The following PNPT1 variants were observed in gnomAD, a reference collection of about 807,000 sequenced individuals.
The protein encoded by PNPT1 is polyribonucleotide nucleotidyltransferase 1, mitochondrial.
In PNPT1, 53 loss-of-function variants were observed where a neutral mutation model predicts 119.5. The observed-to-expected ratio is 0.44, with a 90% CI of 0.36 to 0.56. The LOEUF (loss-of-function observed/expected upper bound fraction) is 0.56. Among genes scored for constraint, PNPT1 ranks in the 20% least tolerant of loss-of-function variants. PNPT1 has a pLI of 0.00. For synonymous variants in PNPT1, 357 were observed against 322.1 expected, an observed-to-expected ratio of 1.11 and a Z score of -1.16; for missense variants, 948 against 938.5, an observed-to-expected ratio of 1.01 and a Z score of -0.13.
intron 10 of PNPT1, 89 bp from the exon 11 acceptor site, chr2:55,671,465 G>A: frequency 1.4e-5 from 10 of 700,462 alleles, no homozygotes; most frequent in Non-Finnish European, 2.3e-5. Flanking sequence ...AACACATTGT[G>A]AATTACTCTG....
At chr2:55,676,074 A>C (rs368785280) in intron 8 of PNPT1, among the ~76,000 whole-genome samples, 3 of 152,058 alleles carry the variant, frequency 2.0e-5, no homozygotes, top group African/African-American at 7.2e-5. Flanking sequence ...CAGCCTGGCC[A>C]ACATGTTGAA....
At chr2:55,652,562 C>T (rs1157522244) in intron 18 of PNPT1, among the ~76,000 whole-genome samples, 2 of 152,144 alleles carry the variant, frequency 1.3e-5, no homozygotes, top group Middle Eastern at 3.2e-3. Context: ...AGCATCCTCA[C>T]GTCTTCAACT....
chr2:55,671,302 A>G lies in PNPT1; in HGVS notation c.976+17T>C. ...TGCCCTCAGCAAAAAAATAAAATAA[A>G]ATAAAATAAAATTTACCTTTTAGTT... On this transcript the variant is annotated intron_variant, in intron 11 of 27. Transcript: ENST00000447944. The G allele has an allele frequency of 7.1e-7, 1 of 1,413,384 alleles. No individual in the cohort carries two copies. Among genetic ancestry groups the G allele is most frequent in the Non-Finnish European group, 9.6e-7 (1 of 1,046,266 alleles). 87.6% of individuals were successfully genotyped at this position (1,413,384 alleles called of 1,614,324 possible).
chr2:55,660,311 C>A lies in PNPT1; in HGVS notation c.1248-118G>T, dbSNP rs1288711191. On this transcript the variant is annotated intron_variant, in intron 14 of 27. Transcript: ENST00000447944. ...AAAGAACTAGGTGTTAATGAAAAAT[C>A]AGACTGAAACTGAAAACCAAAGAAT... 1.7e-5 allele frequency: 18 copies of A among 1,048,196 alleles called. 1 individual carries two copies. The Admixed American group carries it at 2.2e-4, about 13-fold the overall frequency. 64.9% of individuals were successfully genotyped at this position (1,048,196 alleles called of 1,614,324 possible). A position where few individuals can be genotyped will look rare whatever the true frequency, so the allele number is the denominator to read the frequency against.
chr2:55,660,996 G>A (rs1271774775), intron 14 of PNPT1, among the ~76,000 whole-genome samples: 1 of 151,882 alleles, frequency 6.6e-6, no homozygotes, highest in Non-Finnish European at 1.5e-5. Context: ...ACCAGGAACA[G>A]GAAGTAGCCC....
intron 12 of PNPT1, 103 bp downstream of exon 12, chr2:55,667,759 T>C: frequency 1.4e-6 from 2 of 1,407,490 alleles, no homozygotes; most frequent in South Asian, 1.4e-5. Flanking sequence ...TTCTTTACTG[T>C]TCACTTGAAA....
chr2:55,648,109 C>T lies in PNPT1; in HGVS notation c.1496-656G>A, dbSNP rs547903077. On this transcript the variant is annotated intron_variant, in intron 18 of 27. Transcript: ENST00000447944. ...TGGTAAATTCTTCCAGCCTGAACTC[C>T]TCAGTTTACCTCCCCATGGCAGCTA... Among the ~76,000 whole-genome samples the T allele has an allele frequency of 3.3e-5, 5 of 152,280 alleles. No individual in the cohort carries two copies. In the South Asian group the frequency reaches 8.3e-4, roughly 25 times the overall value.
intron 22 of PNPT1, 37 bp from the exon 23 acceptor site, chr2:55,644,757 A>G (rs1254485435): frequency 4.7e-6 from 7 of 1,478,680 alleles, no homozygotes; most frequent in African/African-American, 4.2e-5. Context: ...AAACAATTCA[A>G]CTACATACAT....
rs1326960065 is a variant in PNPT1, at chr2:55,634,886, A to AT, written c.*1350dup. The AT allele has an allele frequency of 4.7e-5, 7 of 150,468 alleles. No homozygotes were observed. Among genetic ancestry groups the AT allele is most frequent in the East Asian group, 2.0e-4 (1 of 5,034 alleles). 9.3% of individuals were successfully genotyped at this position (150,468 alleles called of 1,614,324 possible). A position where few individuals can be genotyped will look rare whatever the true frequency, so the allele number is the denominator to read the frequency against. On this transcript the variant is annotated 3_prime_UTR_variant, in exon 28 of 28. Coordinates refer to ENST00000447944, the MANE Select transcript of PNPT1 (RefSeq NM_033109.5). Reference sequence around the variant, plus strand: ...TACCTACATTTTTATAAGATTTAAAATTTTTTTTAGAGATAAGAGTCCTGC... The same window carrying AT: ...TACCTACATTTTTATAAGATTTAAAATTTTTTTTTAGAGATAAGAGTCCTGC...
intron 14 of PNPT1, among the ~76,000 whole-genome samples, chr2:55,661,276 AG>A (rs1209396475): frequency 6.6e-6 from 1 of 151,660 alleles, no homozygotes; most frequent in East Asian, 1.9e-4. Context: ...CATTTTCAGT[AG>A]GGACGGAATT....
chr2:55,636,459 A>C, intron 27 of PNPT1, 67 bp from the exon 28 acceptor site: 1 of 1,501,414 alleles, frequency 6.7e-7, no homozygotes, highest in Non-Finnish European at 9.1e-7. Context: ...ACTAATAGAC[A>C]TTTAAATTTA....
At chr2:55,674,938 A>G (rs544057369) in intron 8 of PNPT1, among the ~76,000 whole-genome samples, 1 of 152,330 alleles carries the variant, frequency 6.6e-6, no homozygotes, top group South Asian at 2.1e-4. Context: ...TAATGGGTAT[A>G]AATTATATCT....
chr2:55,677,542 T>G (rs1179251379), intron 8 of PNPT1, among the ~76,000 whole-genome samples: 1 of 127,398 alleles, frequency 7.8e-6, no homozygotes, highest in African/African-American at 3.1e-5. Flanking sequence ...TGCAGTGAGC[T>G]GAGATCGCAC....
At chr2:55,680,521 C>T (rs934963254) in intron 7 of PNPT1, among the ~76,000 whole-genome samples, 191 bp downstream of exon 7, 2 of 150,928 alleles carry the variant, frequency 1.3e-5, no homozygotes, top group African/African-American at 4.9e-5. Flanking sequence ...GTAACATATG[C>T]TATTAGAAAC....
rs142151120 is a variant in PNPT1, at chr2:55,676,113, A to G, written c.680-3034T>C. 7.4e-3 allele frequency among the ~76,000 whole-genome samples: 1,130 copies of G among 151,994 alleles called. 11 individuals are homozygous for G. The highest frequency in any genetic ancestry group is 0.025 in the African/African-American group (1,027 of 41,432). ...CCATCTCTACTAAAAATAAAAAATT[A>G]GCCAGGTGTGGTGGTGCACGCCTGT... On this transcript the variant is annotated intron_variant, in intron 8 of 27. Transcript: ENST00000447944.
intron 10 of PNPT1, 125 bp downstream of exon 10, chr2:55,671,870 T>C (rs902898681): frequency 1.4e-6 from 1 of 692,724 alleles, no homozygotes; most frequent in Non-Finnish European, 2.4e-6. Context: ...ATTAGGCTTT[T>C]GTTAGTTTTT....
chr2:55,684,316 C>A (rs974558652), intron 4 of PNPT1, among the ~76,000 whole-genome samples: 1 of 152,216 alleles, frequency 6.6e-6, no homozygotes, highest in Admixed American at 6.5e-5. Context: ...ATGGAGAAAC[C>A]CCATCTTGAC....
chr2:55,683,080 A>G (rs894313643), intron 5 of PNPT1, among the ~76,000 whole-genome samples: 5 of 152,248 alleles, frequency 3.3e-5, no homozygotes, highest in Admixed American at 6.5e-5. Context: ...ATAATAAAGT[A>G]GAGGTTCAGA....
chr2:55,676,295 ATAAACTG>A (rs1468153480), intron 8 of PNPT1, among the ~76,000 whole-genome samples: 1 of 148,602 alleles, frequency 6.7e-6, no homozygotes, highest in African/African-American at 2.5e-5. Context: ...GAAGATTGCT[ATAAACTG>A]TCAACCATTT....
Sources: allele counts gnomAD v4.1 joint callset (sites outside exome capture counted in the v4.1 genomes callset), GRCh38; gene constraint gnomAD v4.1.1; transcripts MANE v1.5; gene names NCBI Gene and HGNC (gene_info 2026-07-23, HGNC 2026-07-21).